Variants in IMMP2L observed in about 807,000 individuals in gnomAD.
IMMP2L encodes inner mitochondrial membrane peptidase subunit 2, also known as mitochondrial inner membrane protease subunit 2.
IMMP2L carries 18 observed loss-of-function variants against 19.3 expected under a neutral mutation model. The ratio of observed to expected loss-of-function variants is 0.93; its 90% CI spans 0.64 to 1.38. The LOEUF (loss-of-function observed/expected upper bound fraction) is 1.38, where lower values mean the gene tolerates loss of function less well. Among genes scored for constraint, IMMP2L ranks in the 40% most tolerant of loss-of-function variants. The pLI, the probability that IMMP2L is intolerant of heterozygous loss-of-function variation, is 0.00. For synonymous variants in IMMP2L, 76 were observed against 73.0 expected (o/e 1.04, Z -0.21); for missense variants, 233 against 218.2 (o/e 1.07, Z -0.43).
intron 3 of IMMP2L, among the ~76,000 whole-genome samples, chr7:110,997,645 C>A (rs2129560634): frequency 6.6e-6 from 1 of 152,136 alleles, no homozygotes; most frequent in African/African-American, 2.4e-5. Flanking sequence ...TGCTTATTTG[C>A]CATCTGCATA....
intron 5 of IMMP2L, among the ~76,000 whole-genome samples, chr7:110,664,243 T>C (rs1791280461): frequency 6.6e-6 from 1 of 152,082 alleles, no homozygotes; most frequent in Middle Eastern, 3.4e-3. Context: ...CTAAAAAATA[T>C]ATATATTTTG....
At chr7:110,904,527 C>A (rs1345313629) in intron 4 of IMMP2L, among the ~76,000 whole-genome samples, 1 of 152,144 alleles carries the variant, frequency 6.6e-6, no homozygotes, top group Admixed American at 6.6e-5. Context: ...ATTGTGTATT[C>A]TTGGCATCCT....
chr7:111,308,463 T>G (rs1479136725), intron 3 of IMMP2L, among the ~76,000 whole-genome samples: 1 of 151,898 alleles, frequency 6.6e-6, no homozygotes, highest in African/African-American at 2.4e-5. Flanking sequence ...TATTTAAACT[T>G]GCCATCTTAA....
At position 111,375,314 on chromosome 7, in the gene IMMP2L, CA is replaced by C. The variant is rs376531431; in HGVS notation, c.239+111923del. Among the ~76,000 whole-genome samples the C allele has an allele frequency of 4.3e-4, 62 of 145,786 alleles. 1 individual carries two copies. Among genetic ancestry groups the C allele is most frequent in the African/African-American group, 1.1e-3 (44 of 39,948 alleles). On this transcript the variant is annotated intron_variant, in intron 3 of 5. Coordinates refer to ENST00000405709, the MANE Select transcript of IMMP2L (RefSeq NM_032549.4). ...TATGAGACAGTAAAATATCTGCCAC[CA>C]AAAAAAAAAGTGGTTTTTAATCCAA...
At chr7:110,713,626 C>T (rs940267813) in intron 5 of IMMP2L, among the ~76,000 whole-genome samples, 10 of 147,834 alleles carry the variant, frequency 6.8e-5, no homozygotes, top group Admixed American at 5.4e-4. Context: ...GATCTTCTAT[C>T]GCCTTGGTTG....
intron 5 of IMMP2L, among the ~76,000 whole-genome samples, chr7:110,885,550 C>T (rs896235859): frequency 2.6e-5 from 4 of 151,848 alleles, no homozygotes; most frequent in African/African-American, 9.7e-5. Context: ...TGAAAAAACC[C>T]ACAAAATACC....
chr7:111,090,925 G>A (rs1045523529), intron 3 of IMMP2L: 6 of 152,136 alleles, frequency 3.9e-5, no homozygotes, highest in Non-Finnish European at 5.9e-5. Context: ...AAAAAAGAAG[G>A]AAAATGATAC....
chr7:111,148,763 T>G (rs1236938754), intron 3 of IMMP2L, among the ~76,000 whole-genome samples: 1 of 151,962 alleles, frequency 6.6e-6, no homozygotes, highest in Non-Finnish European at 1.5e-5. Flanking sequence ...TGTGTGTGTG[T>G]GTGTGGGTCT....
intron 3 of IMMP2L, among the ~76,000 whole-genome samples, chr7:111,368,338 T>A (rs1295052219): frequency 6.6e-6 from 1 of 151,916 alleles, no homozygotes; most frequent in African/African-American, 2.4e-5. Flanking sequence ...AAGATGTCTT[T>A]TAAAGGCTAC....
At chr7:110,679,282 C>T (rs553037560) in intron 5 of IMMP2L, among the ~76,000 whole-genome samples, 5 of 152,222 alleles carry the variant, frequency 3.3e-5, no homozygotes, top group African/African-American at 7.2e-5. Context: ...GGTCTAACTC[C>T]TTATTTTGCA....
intron 4 of IMMP2L, among the ~76,000 whole-genome samples, chr7:110,930,880 C>T (rs1438949933): frequency 6.6e-6 from 1 of 152,184 alleles, no homozygotes; most frequent in Non-Finnish European, 1.5e-5. Flanking sequence ...TATGTTTATA[C>T]ACATTTAAAA....
chr7:111,144,237 A>G (rs1803237492), intron 3 of IMMP2L, among the ~76,000 whole-genome samples: 1 of 152,122 alleles, frequency 6.6e-6, no homozygotes, highest in South Asian at 2.1e-4. Context: ...TCTTCCTACA[A>G]TACTTCTGTA....
At chr7:111,435,859 G>T (rs1236628690) in intron 3 of IMMP2L, among the ~76,000 whole-genome samples, 1 of 151,690 alleles carries the variant, frequency 6.6e-6, no homozygotes, top group Non-Finnish European at 1.5e-5. Flanking sequence ...TGTTTTGGGG[G>T]CATCCCTATA....
chr7:111,501,545 AG>A (rs1437721854), intron 2 of IMMP2L, among the ~76,000 whole-genome samples: 1 of 152,200 alleles, frequency 6.6e-6, no homozygotes, highest in African/African-American at 2.4e-5. Flanking sequence ...GTTGAAATGA[AG>A]GAAAAAATGT....
intron 3 of IMMP2L, among the ~76,000 whole-genome samples, chr7:111,354,569 G>A (rs1828508609): frequency 6.6e-6 from 1 of 151,250 alleles, no homozygotes; most frequent in Non-Finnish European, 1.5e-5. Flanking sequence ...AAAAAAAATT[G>A]AGATGTATAA....
chr7:111,556,678 T>C (rs1284996351), intron 1 of IMMP2L, among the ~76,000 whole-genome samples: 1 of 152,180 alleles, frequency 6.6e-6, no homozygotes, highest in Non-Finnish European at 1.5e-5. Flanking sequence ...TCTTTACATC[T>C]TTCTCTTTTA....
Position 110,860,159 on chromosome 7 carries a change from T to C in IMMP2L, c.408+26434A>G, listed in dbSNP as rs1807243447. ...AACTGTGGGGCAGCATTATATTCCA[T>C]TTTGTGGAATATATAAAGCCAAGAA... On this transcript the variant is annotated intron_variant, in intron 5 of 5. Transcript: ENST00000405709. Among the ~76,000 whole-genome samples, 3 of 152,096 alleles carry C rather than the reference T, an allele frequency of 2.0e-5. No individual in the cohort carries two copies. The South Asian group carries it at 6.2e-4, about 31-fold the overall frequency.
At chr7:110,991,628 T>A (rs1419373523) in intron 3 of IMMP2L, among the ~76,000 whole-genome samples, 4 of 152,120 alleles carry the variant, frequency 2.6e-5, no homozygotes, top group African/African-American at 9.7e-5. Context: ...CTAACTAATC[T>A]ACTTTTTGAA....
In IMMP2L at chr7:111,161,261, C is replaced by T. The variant is rs114368122; in HGVS notation, c.240-197696G>A. Among the ~76,000 whole-genome samples the T allele has an allele frequency of 4.1e-3, 617 of 151,808 alleles. 5 individuals are homozygous for T. Among genetic ancestry groups the T allele is most frequent in the African/African-American group, 0.014 (585 of 41,506 alleles). On this transcript the variant is annotated intron_variant, in intron 3 of 5. Transcript: ENST00000405709. Reference sequence around the variant, plus strand: ...CTCTATGAAGTCAATATAGCTTTGACGACAAAACAGAAAATGACAATAGAA... The same window carrying T: ...CTCTATGAAGTCAATATAGCTTTGATGACAAAACAGAAAATGACAATAGAA...
Sources: allele counts gnomAD v4.1 joint callset (sites outside exome capture counted in the v4.1 genomes callset), GRCh38; gene constraint gnomAD v4.1.1; transcripts MANE v1.5; gene names NCBI Gene and HGNC (gene_info 2026-07-23, HGNC 2026-07-21).